The following RGS4 variants were observed in gnomAD, a reference collection of about 807,000 sequenced individuals.
The protein encoded by RGS4 is schizophrenia disorder 9.
Under a neutral mutation model 21.6 loss-of-function variants are expected in RGS4, and 15 were observed. The ratio of observed to expected loss-of-function variants is 0.69; its 90% CI spans 0.46 to 1.07. RGS4 has a LOEUF of 1.07. Ranked by LOEUF, RGS4 falls within the 50% of genes least tolerant of loss-of-function variation. The probability of loss-of-function intolerance (pLI) is 0.00; values close to 1 mark genes in which losing one functional copy is unlikely to be tolerated. For missense variants in RGS4, 237 were observed against 239.0 expected (o/e 0.99, Z 0.06); for synonymous variants, 94 against 85.5 (o/e 1.10, Z -0.55).
In RGS4 at chr1:163,074,543, G is replaced by C; in HGVS notation, c.601G>C (p.Val201Leu). 6.2e-7 allele frequency: 1 copy of C among 1,613,846 alleles called. No individual in the cohort carries two copies. The highest frequency in any genetic ancestry group is 8.5e-7 in the Non-Finnish European group (1 of 1,179,882). The change falls in exon 5 of 5, where the codon GTC becomes CTC. Residue 201 changes from valine to leucine, a missense_variant. By Grantham distance (32) the Val-to-Leu change is conservative. Coordinates refer to ENST00000367909, the MANE Select transcript of RGS4 (RefSeq NM_005613.6). ...GAGTTCAGCAGACTGTGCTTCCCTGGTCCCTCAGTGTGCCTAATTCTCACC... is the reference window on the plus strand; with the variant it reads ...GAGTTCAGCAGACTGTGCTTCCCTGCTCCCTCAGTGTGCCTAATTCTCACC... ...AKSSADCASL[V>L]PQCA
intron 1 of RGS4, 115 bp downstream of exon 1, chr1:163,069,643 G>C (rs1370355125): frequency 1.2e-6 from 1 of 838,338 alleles, no homozygotes. Flanking sequence ...GTGGTCAGGA[G>C]AGCACGACTT....
rs918686654 is a variant in RGS4, at chr1:163,072,575, T to G, written c.149+76T>G. On this transcript the variant is annotated intron_variant, in intron 2 of 4. Transcript: ENST00000367909. ...ATGGGGATGTTCTGTGAGAAGGAAC[T>G]TGTGCTCCTAGTTAAGCCAGATTTG... is the stretch of plus-strand genomic sequence containing the variant. The G allele has an allele frequency of 3.5e-6, 4 of 1,147,642 alleles. No homozygotes were observed. In the African/African-American group the frequency reaches 6.2e-5, roughly 18 times the overall value. 71.1% of individuals were successfully genotyped at this position (1,147,642 alleles called of 1,614,324 possible). A position where few individuals can be genotyped will look rare whatever the true frequency, so the allele number is the denominator to read the frequency against.
chr1:163,072,031 A>G, intron 1 of RGS4: 1 of 995,580 alleles, frequency 1.0e-6, no homozygotes, highest in Non-Finnish European at 1.2e-6. Flanking sequence ...TCTGATTCCT[A>G]AAAATTACTC....
Position 163,074,490 on chromosome 1 carries a change from G to A in RGS4, c.548G>A (p.Cys183Tyr), listed in dbSNP as rs372256208. Reference protein sequence around the residue: ...FYLDLVNPSSCGAEKQKGAKS... With the variant: ...FYLDLVNPSSYGAEKQKGAKS... Reference sequence around the variant, plus strand: ...CTTGATTTGGTCAACCCGTCCAGCTGTGGGGCAGAAAAGCAGAAAGGAGCC... The same window carrying A: ...CTTGATTTGGTCAACCCGTCCAGCTATGGGGCAGAAAAGCAGAAAGGAGCC... The change falls in exon 5 of 5, where the codon TGT becomes TAT. Residue 183 changes from cysteine (C) to tyrosine (Y), a missense_variant. Coordinates refer to ENST00000367909, the MANE Select transcript of RGS4 (RefSeq NM_005613.6). 25 of 1,613,812 alleles carry A rather than the reference G, an allele frequency of 1.5e-5. No homozygotes were observed. Among genetic ancestry groups the A allele is most frequent in the Admixed American group, 1.3e-4 (8 of 59,968 alleles).
At position 163,076,627 on chromosome 1, in the gene RGS4, G is replaced by T; in HGVS notation, c.*2067G>T. ...GTGTGTTTTTCAGTTGTATTTCCCT[G>T]TTATTTCATCACTATTTCCAATGGT... On this transcript the variant is annotated 3_prime_UTR_variant, in exon 5 of 5. Coordinates refer to ENST00000367909, the MANE Select transcript of RGS4 (RefSeq NM_005613.6). 6.6e-6 allele frequency: 1 copy of T among 152,456 alleles called. No individual in the cohort carries two copies. 9.4% of individuals were successfully genotyped at this position (152,456 alleles called of 1,614,324 possible). A position where few individuals can be genotyped will look rare whatever the true frequency, so the allele number is the denominator to read the frequency against.
rs954800133 is a variant in RGS4, at chr1:163,075,681, T to C, written c.*1121T>C. ...TGATCAAGGTGCTCTTCTCATTTTT[T>C]CCTGAGAACCTTAGCCATCAGATGA... is the stretch of plus-strand genomic sequence containing the variant. On this transcript the variant is annotated 3_prime_UTR_variant, in exon 5 of 5. Coordinates refer to ENST00000367909, the MANE Select transcript of RGS4 (RefSeq NM_005613.6). 1 of 152,202 alleles carries C rather than the reference T, an allele frequency of 6.6e-6. No homozygotes were observed. The highest frequency in any genetic ancestry group is 2.4e-5 in the African/African-American group (1 of 41,452). The allele number at this position is 152,202 out of a possible 1,614,324, so 9.4% of individuals were successfully genotyped here. A position where few individuals can be genotyped will look rare whatever the true frequency, so the allele number is the denominator to read the frequency against.
intron 2 of RGS4, 56 bp downstream of exon 2, chr1:163,072,555 G>C: frequency 7.9e-7 from 1 of 1,269,926 alleles, no homozygotes; most frequent in South Asian, 1.2e-5. Context: ...TGATGATGGG[G>C]ATGTTCTGTG....
At position 163,069,423 on chromosome 1, in the gene RGS4, G is replaced by C. The variant is rs376285994; in HGVS notation, c.-62G>C. 4 of 1,611,204 alleles carry C rather than the reference G, an allele frequency of 2.5e-6. No homozygotes were observed. The East Asian group carries it at 9.0e-5, about 36-fold the overall frequency. ...GAAGAGGCAAAGTACGCTCAAAGCC[G>C]AAGCCACAGCTCCTCCTGCCGCATT... On this transcript the variant is annotated 5_prime_UTR_variant, in exon 1 of 5. Transcript: ENST00000367909.
upstream of RGS4, chr1:163,069,016 T>C (rs770737453): frequency 6.3e-7 from 1 of 1,591,108 alleles, no homozygotes; most frequent in South Asian, 1.2e-5. Flanking sequence ...TTCCTGCTGG[T>C]ACTTTTCCTT....
chr1:163,071,442 A>G (rs1447445130), intron 1 of RGS4, among the ~76,000 whole-genome samples: 1 of 152,116 alleles, frequency 6.6e-6, no homozygotes, highest in African/African-American at 2.4e-5. Flanking sequence ...CTCTTTTTAA[A>G]CTATTTCTTG....
At chr1:163,069,021 T>A, upstream of RGS4, 1 of 1,588,380 alleles carries the variant, frequency 6.3e-7, no homozygotes, top group East Asian at 2.3e-5. Flanking sequence ...GCTGGTACTT[T>A]TCCTTCCAGG....
chr1:163,070,598 C>T (rs1448646080), intron 1 of RGS4: 1 of 152,106 alleles, frequency 6.6e-6, no homozygotes, highest in Non-Finnish European at 1.5e-5. Flanking sequence ...GAAATAAGTT[C>T]CTCTGACCTT....
At chr1:163,073,985 A>C (rs1378330197) in intron 4 of RGS4, 1 of 383,028 alleles carries the variant, frequency 2.6e-6, no homozygotes, top group Non-Finnish European at 4.7e-6. Context: ...GGAGCTGACT[A>C]TCATAATCTT....
Position 163,073,600 on chromosome 1 carries a change from T to C in RGS4, c.356T>C (p.Ile119Thr). The C allele has an allele frequency of 6.2e-7, 1 of 1,603,090 alleles. No individual in the cohort carries two copies. The highest frequency in any genetic ancestry group is 1.7e-4 in the Middle Eastern group (1 of 5,978). Residue 119 changes from isoleucine to threonine, a missense_variant, in exon 4 of 5, where the codon ATC becomes ACC. Coordinates refer to ENST00000367909, the MANE Select transcript of RGS4 (RefSeq NM_005613.6). ...PKAKKIYNEF[I>T]SVQATKEVNL... is the part of the protein sequence containing the mutation. ...GCCAAAAAGATCTATAATGAATTCA[T>C]CTCAGTCCAGGCAACCAAAGAGGTA...
intron 4 of RGS4, chr1:163,073,984 T>C: frequency 2.6e-6 from 1 of 378,662 alleles, no homozygotes; most frequent in Non-Finnish European, 4.7e-6. Context: ...TGGAGCTGAC[T>C]ATCATAATCT....
chr1:163,069,512 G>T lies in RGS4; in HGVS notation c.28G>T (p.Ala10Ser), dbSNP rs1257330954. 6.8e-6 allele frequency: 11 copies of T among 1,613,138 alleles called. No homozygotes were observed. The highest frequency in any genetic ancestry group is 9.3e-6 in the Non-Finnish European group (11 of 1,179,598). ...GTGCAAAGGGCTTGCAGGTCTGCCGGCTTCTTGCTTGAGGAGGTAAGATTG... is the reference window on the plus strand; with the variant it reads ...GTGCAAAGGGCTTGCAGGTCTGCCGTCTTCTTGCTTGAGGAGGTAAGATTG... The part of the protein sequence containing the change: MCKGLAGLP[A>S]SCLRSAKDMK... Residue 10 changes from alanine to serine, a missense_variant, in exon 1 of 5, where the codon GCT (alanine) becomes TCT (serine). By Grantham distance (99) the Ala-to-Ser change is moderately conservative. Coordinates refer to ENST00000367909, the MANE Select transcript of RGS4 (RefSeq NM_005613.6).
chr1:163,074,719 A>G lies in RGS4; in HGVS notation c.*159A>G. On this transcript the variant is annotated 3_prime_UTR_variant, in exon 5 of 5. Coordinates refer to ENST00000367909, the MANE Select transcript of RGS4 (RefSeq NM_005613.6). ...TGAGTCACTTCTACGCATAAACTAGATATAGCTTTTGGTGTTTGAGTGTTC... is the reference window on the plus strand; with the variant it reads ...TGAGTCACTTCTACGCATAAACTAGGTATAGCTTTTGGTGTTTGAGTGTTC... 2.8e-6 allele frequency: 3 copies of G among 1,071,066 alleles called. No homozygotes were observed. The highest frequency in any genetic ancestry group is 4.2e-6 in the Non-Finnish European group (3 of 712,630). The allele number at this position is 1,071,066 out of a possible 1,614,324, so 66.3% of individuals were successfully genotyped here.
chr1:163,074,281 G>A lies in RGS4; in HGVS notation c.379-40G>A, dbSNP rs567500067. The A allele has an allele frequency of 7.8e-5, 125 of 1,611,218 alleles. No homozygotes were observed. In the East Asian group the frequency reaches 2.7e-3, roughly 35 times the overall value. On this transcript the variant is annotated intron_variant, in intron 4 of 4. Coordinates refer to ENST00000367909, the MANE Select transcript of RGS4 (RefSeq NM_005613.6). The stretch of plus-strand genomic sequence containing the variant: ...AGCATACAGGCTTGCATCCTCAACA[G>A]GGATATAGGTCTAATGAAGCCTTGG...
At chr1:163,072,070 G>C in intron 1 of RGS4, 1 of 1,035,622 alleles carries the variant, frequency 9.7e-7, no homozygotes, top group Non-Finnish European at 1.2e-6. Flanking sequence ...CAGTGATTCA[G>C]GTTCTGTTGA....
Sources: allele counts gnomAD v4.1 joint callset (sites outside exome capture counted in the v4.1 genomes callset), GRCh38; gene constraint gnomAD v4.1.1; transcripts MANE v1.5; gene names NCBI Gene and HGNC (gene_info 2026-07-23, HGNC 2026-07-21).